ABCC5: variants seen among roughly 807,000 people sequenced by gnomAD.
The protein encoded by ABCC5 is ATP-binding cassette sub-family C member 5.
In ABCC5, 61 loss-of-function variants were observed where a neutral mutation model predicts 160.9. The ratio of observed to expected loss-of-function variants is 0.38; its 90% CI spans 0.31 to 0.47. ABCC5 has a LOEUF of 0.47. ABCC5 is among the 20% of genes least tolerant of loss of function. The pLI is 0.99. For synonymous variants in ABCC5, 666 were observed against 700.6 expected, an observed-to-expected ratio of 0.95 and a Z score of 0.78; for missense variants, 1,308 against 1,813.3, an observed-to-expected ratio of 0.72 and a Z score of 5.06.
At position 183,951,077 on chromosome 3, in the gene ABCC5, T is replaced by C. The variant is rs368974193; in HGVS notation, c.2944+364A>G. ...AAGCCCCCTGTCAATGTCAGGGGCT[T>C]TACTGTTACTCTGAACTGTGGGGGT... On this transcript the variant is annotated intron_variant, in intron 20 of 29. Transcript: ENST00000334444. The surrounding 1 kb of genome is among the most constrained non-coding windows in gnomAD (Gnocchi z 4.7). Among the ~76,000 whole-genome samples the C allele has an allele frequency of 5.9e-5, 9 of 152,266 alleles. No homozygotes were observed. The highest frequency in any genetic ancestry group is 2.6e-4 in the Admixed American group (4 of 15,294).
chr3:184,016,749 A>G (rs1286131107), intron 1 of ABCC5, among the ~76,000 whole-genome samples: 1 of 152,226 alleles, frequency 6.6e-6, no homozygotes. Context: ...AGAACCCCAA[A>G]GAAGTGCCCA....
chr3:184,003,892 G>T (rs975727260), intron 2 of ABCC5, among the ~76,000 whole-genome samples: 18 of 152,146 alleles, frequency 1.2e-4, no homozygotes, highest in African/African-American at 4.1e-4. Flanking sequence ...AATCACAGGG[G>T]TAAAACGGGA....
Position 183,971,582 on chromosome 3 carries a change from A to G in ABCC5, c.1742T>C (p.Ile581Thr), listed in dbSNP as rs1717750818. The change falls in exon 11 of 30, where the codon ATC (isoleucine) becomes ACC (threonine). Residue 581 changes from isoleucine (I) to threonine (T), a missense_variant. This residue lies in a region of ABCC5 where 1,142 missense variants were observed against 1,527.1 expected (regional missense o/e 0.75). Transcript: ENST00000334444. Reference protein sequence around the residue: ...HLRLQRTLHSIDLEIQEGKLV... With the variant: ...HLRLQRTLHSTDLEIQEGKLV... ...ACTTACCTCTTGGATCTCCAGATCG[A>G]TGCTGTGCAGTGTCCTCTGTAAGCG... 1 of 1,613,732 alleles carries G rather than the reference A, an allele frequency of 6.2e-7. No homozygotes were observed. Among genetic ancestry groups the G allele is most frequent in the Non-Finnish European group, 8.5e-7 (1 of 1,179,936 alleles).
intron 2 of ABCC5, among the ~76,000 whole-genome samples, chr3:183,992,568 G>A (rs749861032): frequency 6.6e-6 from 1 of 152,000 alleles, no homozygotes; most frequent in Non-Finnish European, 1.5e-5. Flanking sequence ...GGCGGATCAC[G>A]AGGTCAGGAG....
chr3:184,014,839 T>C (rs1441966315), intron 1 of ABCC5, among the ~76,000 whole-genome samples: 1 of 152,126 alleles, frequency 6.6e-6, no homozygotes, highest in African/African-American at 2.4e-5. Context: ...ACTCCACAAT[T>C]TTAAAGTGGA....
intron 17 of ABCC5, among the ~76,000 whole-genome samples, chr3:183,958,136 G>A (rs1358447779): frequency 3.3e-5 from 5 of 152,100 alleles, no homozygotes; most frequent in South Asian, 4.1e-4. Context: ...ATGCAGATCC[G>A]TGTGTATATC....
At chr3:183,983,286 T>G (rs1204100585) in intron 5 of ABCC5, 15 of 462,546 alleles carry the variant, frequency 3.2e-5, no homozygotes, top group East Asian at 1.2e-4. Context: ...GAGCTGAAAT[T>G]AACTCTAAAC....
chr3:183,984,202 T>TA (rs1718992774), intron 5 of ABCC5: 1 of 985,460 alleles, frequency 1.0e-6, no homozygotes, highest in Non-Finnish European at 1.2e-6. Context: ...CGGGACAGAA[T>TA]AAAAAATCCT....
intron 29 of ABCC5, among the ~76,000 whole-genome samples, chr3:183,924,070 C>T (rs1301844683): frequency 1.4e-5 from 2 of 141,112 alleles, no homozygotes; most frequent in East Asian, 2.1e-4. Context: ...GGCTGGAGTG[C>T]AGTGGCGCTA....
In ABCC5 at chr3:183,942,853, C is replaced by G; in HGVS notation, c.3568G>C (p.Glu1190Gln). Residue 1190 changes from glutamate (E) to glutamine (Q), a missense_variant, in exon 25 of 30, where the codon GAG becomes CAG. Physicochemically the swap from Glu to Gln is conservative, Grantham distance 29 (BLOSUM62 2). Around this residue, in one of 3 missense-constraint regions of ABCC5, gnomAD observed 1,142 missense variants for 1,527.1 expected, o/e 0.75. Transcript: ENST00000334444. ...GCGTTCTCAAAGGTCACCTCTCCCT[C>G]CTGGGGCCAGTCAGGGGAGGGAGCC... ...NKAPSPDWPQ[E>Q]GEVTFENAEM... The G allele has an allele frequency of 1.2e-6, 2 of 1,614,152 alleles. No homozygotes were observed. The highest frequency in any genetic ancestry group is 1.7e-6 in the Non-Finnish European group (2 of 1,180,018).
At chr3:183,927,083 G>A (rs532964520) in intron 28 of ABCC5, among the ~76,000 whole-genome samples, 25 of 152,084 alleles carry the variant, frequency 1.6e-4, no homozygotes, top group South Asian at 1.2e-3. Flanking sequence ...GTTTGCAGTC[G>A]TACAACTACT....
intron 17 of ABCC5, among the ~76,000 whole-genome samples, chr3:183,954,812 C>T (rs9833037): frequency 1.6e-4 from 25 of 152,074 alleles, no homozygotes; most frequent in African/African-American, 5.5e-4. Flanking sequence ...GAGAACAGGC[C>T]CAAGGCAGTT....
chr3:183,965,077 C>T (rs1185586552), intron 14 of ABCC5, 108 bp downstream of exon 14: 2 of 1,150,142 alleles, frequency 1.7e-6, no homozygotes, highest in Non-Finnish European at 2.5e-6. Flanking sequence ...GACAGCCTAA[C>T]TCCCTGTGAG....
intron 18 of ABCC5, 139 bp from the exon 19 acceptor site, chr3:183,952,142 C>CAAT: frequency 1.7e-6 from 1 of 586,482 alleles, no homozygotes; most frequent in African/African-American, 2.5e-5. Flanking sequence ...CTTTGTCCAC[C>CAAT]TCTTTTTTTT....
Position 183,951,602 on chromosome 3 carries a change from C to T in ABCC5, c.2815-32G>A, listed in dbSNP as rs766156518. 1 of 1,611,226 alleles carries T rather than the reference C, an allele frequency of 6.2e-7. No individual in the cohort carries two copies. Among genetic ancestry groups the T allele is most frequent in the South Asian group, 1.1e-5 (1 of 90,708 alleles). Reference sequence around the variant, plus strand: ...AGCAGAGCACAGAGTGGTCAGGGCCCAGGGACGGCTCTGTTCCTACTGGTC... The same window carrying T: ...AGCAGAGCACAGAGTGGTCAGGGCCTAGGGACGGCTCTGTTCCTACTGGTC... On this transcript the variant is annotated intron_variant, in intron 19 of 29. Coordinates refer to ENST00000334444, the MANE Select transcript of ABCC5 (RefSeq NM_005688.4). This position sits in a 1 kb window ranked among gnomAD's most constrained non-coding sequence, Gnocchi z 4.7.
chr3:183,945,963 A>G (rs1352481367), intron 23 of ABCC5, 24 bp from the exon 24 acceptor site: 1 of 1,601,820 alleles, frequency 6.2e-7, no homozygotes, highest in Non-Finnish European at 8.6e-7. Flanking sequence ...ACAACAATCA[A>G]AGAGATAATT....
At chr3:184,015,331 C>G (rs964230716) in intron 1 of ABCC5, among the ~76,000 whole-genome samples, 2 of 152,138 alleles carry the variant, frequency 1.3e-5, no homozygotes, top group Non-Finnish European at 2.9e-5. Flanking sequence ...ACATACTTCT[C>G]CAAAATGTTT....
rs193282594 is a variant in ABCC5, at chr3:183,992,357, C to T, written c.130-2974G>A. Among the ~76,000 whole-genome samples the T allele has an allele frequency of 2.5e-3, 382 of 152,168 alleles. 4 individuals carry two copies. Among genetic ancestry groups the T allele is most frequent in the African/African-American group, 8.4e-3 (347 of 41,512 alleles). ...CACCACTACACTCCAGACTGGGCAA[C>T]AGAACAAGACTCTATCTCTTTAAAT... is the stretch of plus-strand genomic sequence containing the variant. On this transcript the variant is annotated intron_variant, in intron 2 of 29. Transcript: ENST00000334444.
chr3:183,942,115 C>T (rs2108782046), intron 25 of ABCC5, among the ~76,000 whole-genome samples: 1 of 152,076 alleles, frequency 6.6e-6, no homozygotes, highest in African/African-American at 2.4e-5. Flanking sequence ...TCTTGGCTCA[C>T]TGCAACCTCC....
Sources: allele counts gnomAD v4.1 joint callset (sites outside exome capture counted in the v4.1 genomes callset), GRCh38; gene constraint gnomAD v4.1.1; regional missense constraint gnomAD v4.1.1; non-coding constraint Gnocchi (gnomAD v3.1); transcripts MANE v1.5; gene names NCBI Gene and HGNC (gene_info 2026-07-23, HGNC 2026-07-21).